PON2: variants seen among roughly 807,000 people sequenced by gnomAD.
PON2 encodes serum paraoxonase/arylesterase 2.
A neutral mutation model predicts 36.6 loss-of-function variants in PON2; 27 were observed. The ratio of observed to expected loss-of-function variants is 0.74; its 90% CI spans 0.54 to 1.02. The LOEUF (loss-of-function observed/expected upper bound fraction) is 1.02. Ranked by LOEUF, PON2 falls within the 50% of genes least tolerant of loss-of-function variation. The pLI is 0.00. For synonymous variants in PON2, 149 were observed against 156.3 expected, an observed-to-expected ratio of 0.95 and a Z score of 0.35; for missense variants, 363 against 421.1, an observed-to-expected ratio of 0.86 and a Z score of 1.21.
At chr7:95,421,377 T>C (rs538139582) in intron 2 of PON2, among the ~76,000 whole-genome samples, 1 of 152,364 alleles carries the variant, frequency 6.6e-6, no homozygotes, top group South Asian at 2.1e-4. Context: ...CCAAGGGCTG[T>C]TTAATAATGT....
intron 2 of PON2, among the ~76,000 whole-genome samples, chr7:95,420,677 T>C (rs1789171394): frequency 6.6e-6 from 1 of 152,198 alleles, no homozygotes; most frequent in African/African-American, 2.4e-5. Flanking sequence ...TATGTGTGTG[T>C]TGATGGGAAT....
At chr7:95,414,311 T>C (rs1789011697) in intron 3 of PON2, among the ~76,000 whole-genome samples, 1 of 152,030 alleles carries the variant, frequency 6.6e-6, no homozygotes, top group Admixed American at 6.5e-5. Flanking sequence ...TAGAAGAGAG[T>C]ACACTCTAGG....
Position 95,406,904 on chromosome 7 carries a change from C to A in PON2, c.777+83G>T, listed in dbSNP as rs116579278. ...GCTACACTGGCATCCATATTTTGTT[C>A]TACGTGTGGTACTCTTATAGAAAAA... On this transcript the variant is annotated intron_variant, in intron 7 of 8. Transcript: ENST00000222572. 8.1e-4 allele frequency: 657 copies of A among 815,692 alleles called. 2 individuals carry two copies. The African/African-American group carries it at 1.0e-2, about 12-fold the overall frequency. 50.5% of individuals were successfully genotyped at this position (815,692 alleles called of 1,614,324 possible). A position where few individuals can be genotyped will look rare whatever the true frequency, so the allele number is the denominator to read the frequency against.
chr7:95,431,507 C>A (rs1035814681), intron 1 of PON2, among the ~76,000 whole-genome samples: 2 of 151,866 alleles, frequency 1.3e-5, no homozygotes, highest in African/African-American at 4.8e-5. Flanking sequence ...GCAACCTCTA[C>A]CTCTGGGGTT....
rs769728199 is a variant in PON2, at chr7:95,412,369, G to A, written c.310C>T (p.Arg104Cys). 34 of 1,614,004 alleles carry A rather than the reference G, an allele frequency of 2.1e-5. No homozygotes were observed. Among genetic ancestry groups the A allele is most frequent in the Admixed American group, 5.0e-5 (3 of 59,990 alleles). The change falls in exon 4 of 9, where the codon CGT becomes TGT. Residue 104 changes from arginine (R) to cysteine (C), a missense_variant. Physicochemically the swap from Arg to Cys is radical, Grantham distance 180 (BLOSUM62 -3). Transcript: ENST00000222572. Reference protein sequence around the residue: ...KPRARELRISRGFDLASFNPH... With the variant: ...KPRARELRISCGFDLASFNPH... ...TTGAATGAGGCCAAATCAAACCCAC[G>A]ACTGATTCTTAATTCCCGTGCCCTT...
chr7:95,414,290 A>C (rs1259867560), intron 3 of PON2, among the ~76,000 whole-genome samples: 1 of 152,168 alleles, frequency 6.6e-6, no homozygotes, highest in East Asian at 1.9e-4. Context: ...ACAATGTAGG[A>C]CCTCTTTATT....
intron 5 of PON2, 86 bp from the exon 6 acceptor site, chr7:95,410,187 A>T: frequency 3.5e-6 from 4 of 1,152,046 alleles, no homozygotes; most frequent in Non-Finnish European, 1.3e-6. Context: ...GATTTATGCA[A>T]CATGTGCTTT....
chr7:95,406,420 T>G, intron 7 of PON2, 173 bp from the exon 8 acceptor site: 2 of 682,770 alleles, frequency 2.9e-6, no homozygotes, highest in South Asian at 3.8e-5. Flanking sequence ...TGGAGCCACT[T>G]TTCTTCTTCC....
chr7:95,430,574 T>C (rs1389124680), intron 1 of PON2, among the ~76,000 whole-genome samples: 1 of 151,548 alleles, frequency 6.6e-6, no homozygotes, highest in Admixed American at 6.6e-5. Context: ...GCTGGGATTA[T>C]AGTAATGAGC....
At chr7:95,419,600 T>G (rs933831156) in intron 2 of PON2, among the ~76,000 whole-genome samples, 4 of 152,172 alleles carry the variant, frequency 2.6e-5, no homozygotes, top group Non-Finnish European at 5.9e-5. Flanking sequence ...AACACAGCTA[T>G]AGATAACATT....
At chr7:95,432,460 A>G in intron 1 of PON2, among the ~76,000 whole-genome samples, 1 of 152,182 alleles carries the variant, frequency 6.6e-6, no homozygotes, top group East Asian at 1.9e-4. Flanking sequence ...ACCTGTAAAT[A>G]AACTATCAGG....
intron 1 of PON2, among the ~76,000 whole-genome samples, chr7:95,427,111 G>C (rs1475838200): frequency 1.3e-5 from 2 of 152,182 alleles, no homozygotes; most frequent in Admixed American, 1.3e-4. Flanking sequence ...CATGAGGGTT[G>C]TGCATAACTT....
Position 95,434,907 on chromosome 7 carries a change from C to CG in PON2, c.44dup (p.Leu16AlafsTer14). The CG allele has an allele frequency of 1.9e-6, 3 of 1,539,592 alleles. No homozygotes were observed. Among genetic ancestry groups the CG allele is most frequent in the Non-Finnish European group, 2.6e-6 (3 of 1,145,084 alleles). ...GTGCCAGAAGCCTCTCGCCCAGGAG[C>CG]GCCAGCGCGATCCCCAGCAAGCCCA... On this transcript the variant is annotated frameshift_variant, in exon 1 of 9. Coordinates refer to ENST00000222572, the MANE Select transcript of PON2 (RefSeq NM_000305.3). LOFTEE classifies it high-confidence loss of function.
intron 2 of PON2, among the ~76,000 whole-genome samples, chr7:95,422,979 T>C (rs11979545): frequency 6.6e-6 from 1 of 152,144 alleles, no homozygotes; most frequent in East Asian, 1.9e-4. Flanking sequence ...ACTAGGTGTT[T>C]TGACTGCTAA....
At chr7:95,418,404 T>C (rs1363240425) in intron 2 of PON2, 2 of 152,238 alleles carry the variant, frequency 1.3e-5, no homozygotes, top group Non-Finnish European at 2.9e-5. Flanking sequence ...TTGCTCTGAC[T>C]TAAAGGCAAA....
At chr7:95,407,527 G>T (rs1219420431) in intron 6 of PON2, among the ~76,000 whole-genome samples, 2 of 152,152 alleles carry the variant, frequency 1.3e-5, no homozygotes, top group African/African-American at 4.8e-5. Flanking sequence ...AATTTTAAGA[G>T]TAAGAGATAA....
intron 2 of PON2, among the ~76,000 whole-genome samples, chr7:95,420,456 A>G (rs879583632): frequency 2.6e-5 from 4 of 152,230 alleles, no homozygotes; most frequent in South Asian, 2.1e-4. Context: ...GTTTCTGTCT[A>G]TAAGATAGAT....
At chr7:95,422,393 G>T (rs1789213839) in intron 2 of PON2, among the ~76,000 whole-genome samples, 1 of 152,050 alleles carries the variant, frequency 6.6e-6, no homozygotes. Flanking sequence ...TTTGATGAGA[G>T]ATTTTTATTT....
intron 2 of PON2, among the ~76,000 whole-genome samples, chr7:95,417,908 ATTT>A (rs1187157122): frequency 6.6e-6 from 1 of 151,912 alleles, no homozygotes; most frequent in African/African-American, 2.4e-5. Context: ...AATGATTTTT[ATTT>A]TTTTCTTTAT....
Sources: gnomAD v4.1 joint callset for allele counts (sites outside exome capture counted in the v4.1 genomes callset) on GRCh38, gnomAD v4.1.1 for gene constraint, MANE v1.5 for transcripts, NCBI Gene and HGNC (gene_info 2026-07-23, HGNC 2026-07-21) for gene names.